MSRA: variants seen among roughly 807,000 people sequenced by gnomAD.
The protein encoded by MSRA is mitochondrial peptide methionine sulfoxide reductase.
In MSRA, 54 loss-of-function variants were observed where a neutral mutation model predicts 31.3. The observed-to-expected ratio is 1.73, with a 90% CI of 1.39 to 2.17. The LOEUF (loss-of-function observed/expected upper bound fraction) is 2.17, where lower values mean the gene tolerates loss of function less well. Among genes scored for constraint, MSRA ranks in the 30% most tolerant of loss-of-function variants. The pLI, the probability that MSRA is intolerant of heterozygous loss-of-function variation, is 0.00. For synonymous variants in MSRA, 169 were observed against 116.5 expected (o/e 1.45, Z -2.90); for missense variants, 507 against 300.9 (o/e 1.69, Z -5.07).
chr8:10,131,787 G>A lies in MSRA; in HGVS notation c.143-76046G>A, dbSNP rs549193254. Among the ~76,000 whole-genome samples the A allele has an allele frequency of 1.9e-3, 284 of 152,230 alleles. 2 individuals are homozygous for A. Among genetic ancestry groups the A allele is most frequent in the African/African-American group, 6.5e-3 (269 of 41,538 alleles). On this transcript the variant is annotated intron_variant, in intron 1 of 5. Coordinates refer to ENST00000317173, the MANE Select transcript of MSRA (RefSeq NM_012331.5). The stretch of plus-strand genomic sequence containing the variant: ...GCTGCCTCTTCCTGAGCTGGGAGGC[G>A]ATGCTGGGATGCCAGAAACACACAG...
At chr8:10,156,249 A>T (rs1804143496) in intron 1 of MSRA, among the ~76,000 whole-genome samples, 3 of 152,232 alleles carry the variant, frequency 2.0e-5, no homozygotes, top group Admixed American at 2.0e-4. Flanking sequence ...TTTTTGAGAC[A>T]ATCGGGGAAA....
At chr8:10,157,873 C>A (rs190591167) in intron 1 of MSRA, among the ~76,000 whole-genome samples, 1 of 152,198 alleles carries the variant, frequency 6.6e-6, no homozygotes, top group African/African-American at 2.4e-5. Context: ...TGACATATAA[C>A]TCACATACCG....
At chr8:10,284,213 G>T (rs1331328649) in intron 3 of MSRA, among the ~76,000 whole-genome samples, 1 of 152,000 alleles carries the variant, frequency 6.6e-6, no homozygotes, top group Non-Finnish European at 1.5e-5. Context: ...TTTTGAGACA[G>T]AGTTTTACTC....
At chr8:10,075,637 G>A (rs143737365) in intron 1 of MSRA, among the ~76,000 whole-genome samples, 2 of 152,226 alleles carry the variant, frequency 1.3e-5, no homozygotes, top group Non-Finnish European at 2.9e-5. Context: ...CCCCAAGGTT[G>A]TGTTTACATA....
rs138127696 is a variant in MSRA, at chr8:10,263,052, A to G, written c.331+17829A>G. ...TGGGTGCTGATTGTCTTGTTTGTGT[A>G]CCGGCTTGGCCTTTGCCAGTGACAG... is the stretch of plus-strand genomic sequence containing the variant. On this transcript the variant is annotated intron_variant, in intron 3 of 5. Transcript: ENST00000317173. 1.3e-4 allele frequency among the ~76,000 whole-genome samples: 20 copies of G among 152,290 alleles called. No homozygotes were observed. In the East Asian group the frequency reaches 3.7e-3, roughly 28 times the overall value.
chr8:10,265,099 A>T (rs768109689), intron 3 of MSRA, among the ~76,000 whole-genome samples: 1 of 152,204 alleles, frequency 6.6e-6, no homozygotes, highest in Non-Finnish European at 1.5e-5. Context: ...AGCTGATTCA[A>T]TATCCTGTCT....
intron 2 of MSRA, among the ~76,000 whole-genome samples, chr8:10,214,630 G>T (rs1015169333): frequency 1.3e-5 from 2 of 152,184 alleles, no homozygotes; most frequent in African/African-American, 4.8e-5. Flanking sequence ...AAAAAGGCCA[G>T]AAAGAATGAC....
At chr8:10,218,505 A>G (rs561890427) in intron 2 of MSRA, among the ~76,000 whole-genome samples, 14 of 152,130 alleles carry the variant, frequency 9.2e-5, no homozygotes, top group African/African-American at 3.1e-4. Flanking sequence ...TCAGTCCATT[A>G]TTTTCTTAGA....
chr8:10,224,649 C>G (rs1044930974), intron 2 of MSRA, among the ~76,000 whole-genome samples: 2 of 152,118 alleles, frequency 1.3e-5, no homozygotes, highest in South Asian at 4.1e-4. Flanking sequence ...TACTGACAGT[C>G]CCTGGATTCA....
intron 5 of MSRA, chr8:10,353,767 TG>T (rs1804343670): frequency 2.7e-6 from 1 of 369,940 alleles, no homozygotes. Flanking sequence ...GGGTTCCACT[TG>T]GAAAATTCTT....
At chr8:10,090,279 A>G (rs758774580) in intron 1 of MSRA, among the ~76,000 whole-genome samples, 6 of 152,202 alleles carry the variant, frequency 3.9e-5, no homozygotes, top group African/African-American at 1.4e-4. Context: ...GCCAGAACCA[A>G]CAGAGCTGGC....
intron 1 of MSRA, among the ~76,000 whole-genome samples, chr8:10,080,857 G>T (rs1388125049): frequency 6.6e-6 from 1 of 152,142 alleles, no homozygotes; most frequent in Non-Finnish European, 1.5e-5. Flanking sequence ...CTCATCTTGA[G>T]TGTGAAATTT....
intron 5 of MSRA, among the ~76,000 whole-genome samples, chr8:10,392,817 C>G (rs1325380014): frequency 1.1e-4 from 16 of 142,126 alleles, no homozygotes. Context: ...GAGGCTGAGA[C>G]GGGCGTATCA....
intron 1 of MSRA, among the ~76,000 whole-genome samples, chr8:10,188,070 T>C (rs532899356): frequency 1.4e-4 from 21 of 152,348 alleles, no homozygotes; most frequent in African/African-American, 5.1e-4. Flanking sequence ...AAATACTTCT[T>C]TTGAAATAGT....
intron 1 of MSRA, among the ~76,000 whole-genome samples, chr8:10,156,561 T>C (rs766060135): frequency 2.0e-5 from 3 of 152,290 alleles, no homozygotes; most frequent in Non-Finnish European, 4.4e-5. Context: ...TTTTTGAAAA[T>C]AAACAATAAG....
intron 5 of MSRA, among the ~76,000 whole-genome samples, chr8:10,417,419 G>GAGACACAC (rs1554557397): frequency 2.1e-5 from 3 of 145,486 alleles, no homozygotes; most frequent in Non-Finnish European, 4.5e-5. Flanking sequence ...TTCGTCAGAA[G>GAGACACAC]ACACACACAC....
At chr8:10,075,347 A>G (rs1797948474) in intron 1 of MSRA, among the ~76,000 whole-genome samples, 2 of 152,220 alleles carry the variant, frequency 1.3e-5, no homozygotes, top group Admixed American at 1.3e-4. Context: ...AATAGGTATT[A>G]ATATTAATGA....
intron 5 of MSRA, among the ~76,000 whole-genome samples, chr8:10,386,192 A>G (rs1251817902): frequency 6.6e-6 from 1 of 152,210 alleles, no homozygotes; most frequent in Non-Finnish European, 1.5e-5. Context: ...ATTCCAGTTT[A>G]CAAACAGAAG....
intron 1 of MSRA, among the ~76,000 whole-genome samples, chr8:10,175,283 C>A (rs1455828451): frequency 6.6e-6 from 1 of 152,192 alleles, no homozygotes; most frequent in African/African-American, 2.4e-5. Flanking sequence ...ATAATCTCTG[C>A]TACACAATTT....
Sources: gnomAD v4.1 joint callset for allele counts (sites outside exome capture counted in the v4.1 genomes callset) on GRCh38, gnomAD v4.1.1 for gene constraint, MANE v1.5 for transcripts, NCBI Gene and HGNC (gene_info 2026-07-23, HGNC 2026-07-21) for gene names.